The following SEPTIN2 variants were observed in gnomAD, a reference collection of about 807,000 sequenced individuals.
The protein encoded by SEPTIN2 is septin 2, also known as septin-2.
SEPTIN2 carries 34 observed loss-of-function variants against 46.5 expected under a neutral mutation model. That is an observed-to-expected ratio of 0.73 (90% CI 0.56 to 0.97). The LOEUF (loss-of-function observed/expected upper bound fraction) is 0.97. Ranked by LOEUF, SEPTIN2 falls within the 50% of genes least tolerant of loss-of-function variation. SEPTIN2 has a pLI of 0.00. For synonymous variants in SEPTIN2, 175 were observed against 153.4 expected (o/e 1.14, Z -1.04); for missense variants, 347 against 448.4 (o/e 0.77, Z 2.04).
chr2:241,337,945 C>A (rs2080312903), intron 7 of SEPTIN2, among the ~76,000 whole-genome samples, 155 bp downstream of exon 7: 1 of 152,090 alleles, frequency 6.6e-6, no homozygotes, highest in Non-Finnish European at 1.5e-5. Flanking sequence ...CAAGGAGAAC[C>A]TGATGGTTAC....
At chr2:241,350,682 G>C (rs1489859957) in intron 12 of SEPTIN2, among the ~76,000 whole-genome samples, 1 of 152,162 alleles carries the variant, frequency 6.6e-6, no homozygotes, top group Admixed American at 6.5e-5. Context: ...GATGGTGACT[G>C]CTGACCTCCT....
At chr2:241,343,281 T>A (rs2081498254) in intron 8 of SEPTIN2, among the ~76,000 whole-genome samples, 188 bp downstream of exon 8, 1 of 152,130 alleles carries the variant, frequency 6.6e-6, no homozygotes, top group Non-Finnish European at 1.5e-5. Context: ...GATGGATCAG[T>A]TGAGGCCAGG....
intron 1 of SEPTIN2, chr2:241,317,719 A>C: frequency 5.3e-6 from 1 of 189,028 alleles, no homozygotes; most frequent in Non-Finnish European, 9.8e-6. Flanking sequence ...GAATCCAAAG[A>C]ATCCAGATGC....
intron 7 of SEPTIN2, among the ~76,000 whole-genome samples, chr2:241,339,946 T>C (rs1437758521): frequency 6.6e-6 from 1 of 152,228 alleles, no homozygotes; most frequent in Non-Finnish European, 1.5e-5. Flanking sequence ...TTCCCAGAGT[T>C]CCGAATAATG....
chr2:241,328,159 G>A (rs958670418), intron 3 of SEPTIN2, among the ~76,000 whole-genome samples: 3 of 152,202 alleles, frequency 2.0e-5, no homozygotes, highest in Non-Finnish European at 4.4e-5. Context: ...AACTGGTCGG[G>A]CGTGATGGCT....
Position 241,330,990 on chromosome 2 carries a change from T to G in SEPTIN2, c.131-4136T>G, listed in dbSNP as rs570782472. Among the ~76,000 whole-genome samples the G allele has an allele frequency of 2.0e-5, 3 of 152,246 alleles. No homozygotes were observed. In the South Asian group the frequency reaches 6.2e-4, roughly 32 times the overall value. On this transcript the variant is annotated intron_variant, in intron 3 of 12. Transcript: ENST00000391971. Reference sequence around the variant, plus strand: ...TTTAAGACCAGCCCCCCCAACATGGTAAAACTTCATCTCTTTAGTACTTTT... The same window carrying G: ...TTTAAGACCAGCCCCCCCAACATGGGAAAACTTCATCTCTTTAGTACTTTT...
At chr2:241,342,757 C>T (rs1483571072) in intron 7 of SEPTIN2, among the ~76,000 whole-genome samples, 1 of 151,916 alleles carries the variant, frequency 6.6e-6, no homozygotes, top group African/African-American at 2.4e-5. Flanking sequence ...AGGATGGTCT[C>T]CATCTCCTGA....
chr2:241,340,787 G>A lies in SEPTIN2; in HGVS notation c.595-2205G>A, dbSNP rs575062314. On this transcript the variant is annotated intron_variant, in intron 7 of 12. Coordinates refer to ENST00000391971, the MANE Select transcript of SEPTIN2 (RefSeq NM_004404.5). ...CTCATTAATCACTTCTCTTCCTCCAGTTTCTCCTTGATGCCTACCAGTTTG... is the reference window on the plus strand; with the variant it reads ...CTCATTAATCACTTCTCTTCCTCCAATTTCTCCTTGATGCCTACCAGTTTG... 3.3e-5 allele frequency among the ~76,000 whole-genome samples: 5 copies of A among 152,190 alleles called. No individual in the cohort carries two copies. The South Asian group carries it at 8.3e-4, about 25-fold the overall frequency.
intron 1 of SEPTIN2, among the ~76,000 whole-genome samples, chr2:241,320,903 A>G (rs2077021006): frequency 1.3e-5 from 2 of 151,506 alleles, no homozygotes; most frequent in African/African-American, 4.9e-5. Context: ...TTTTGCTTTT[A>G]TCTTCCTTCC....
intron 4 of SEPTIN2, chr2:241,335,503 T>C: frequency 1.4e-6 from 1 of 731,832 alleles, no homozygotes; most frequent in Admixed American, 2.6e-5. Context: ...AGTGAGAATG[T>C]TTTACATCAA....
At chr2:241,317,045 C>CA (rs1378606807) in intron 1 of SEPTIN2, 1 of 152,752 alleles carries the variant, frequency 6.5e-6, no homozygotes, top group African/African-American at 2.4e-5. Context: ...AGTAGGTTCT[C>CA]AAATACTTTT....
Position 241,343,042 on chromosome 2 carries a change from T to A in SEPTIN2, c.645T>A (p.Asp215Glu). 1 of 1,611,584 alleles carries A rather than the reference T, an allele frequency of 6.2e-7. No individual in the cohort carries two copies. ...ACATCAAAATCTATCACTTACCTGA[T>A]GCAGAATCAGATGAAGATGAAGATT... ...EHNIKIYHLP[D>E]AESDEDEDFK... The change falls in exon 8 of 13, where the codon GAT becomes GAA. Residue 215 changes from aspartate (D) to glutamate (E), a missense_variant. Transcript: ENST00000391971.
chr2:241,334,921 G>A (rs2079670554), intron 3 of SEPTIN2, among the ~76,000 whole-genome samples: 1 of 152,140 alleles, frequency 6.6e-6, no homozygotes, highest in African/African-American at 2.4e-5. Context: ...GCCCTGCTCT[G>A]GATAGTACTC....
At chr2:241,340,219 G>A (rs2081072301) in intron 7 of SEPTIN2, among the ~76,000 whole-genome samples, 1 of 152,186 alleles carries the variant, frequency 6.6e-6, no homozygotes, top group African/African-American at 2.4e-5. Flanking sequence ...TATCTCATTT[G>A]AATTTGCCTT....
At chr2:241,331,169 A>G (rs1220385568) in intron 3 of SEPTIN2, among the ~76,000 whole-genome samples, 1 of 152,070 alleles carries the variant, frequency 6.6e-6, no homozygotes, top group East Asian at 1.9e-4. Flanking sequence ...ACAGAGCGAG[A>G]CTCCGTCTCA....
intron 7 of SEPTIN2, among the ~76,000 whole-genome samples, chr2:241,338,603 A>AT (rs1257162305): frequency 7.7e-6 from 1 of 130,550 alleles, no homozygotes; most frequent in Admixed American, 1.0e-4. Flanking sequence ...ATATATATAT[A>AT]TTTTATATAT....
chr2:241,349,361 C>G (rs2060566576), intron 11 of SEPTIN2, among the ~76,000 whole-genome samples: 1 of 140,346 alleles, frequency 7.1e-6, no homozygotes, highest in Non-Finnish European at 1.6e-5. Flanking sequence ...AGAGCAAGAT[C>G]CCATCCCTTT....
chr2:241,323,430 G>A (rs1400274279), intron 1 of SEPTIN2, among the ~76,000 whole-genome samples: 1 of 151,838 alleles, frequency 6.6e-6, no homozygotes, highest in Admixed American at 6.6e-5. Context: ...GGCTGAATCA[G>A]TATTTTTAGT....
intron 1 of SEPTIN2, chr2:241,317,068 C>A (rs572744361): frequency 1.3e-5 from 2 of 152,422 alleles, no homozygotes; most frequent in African/African-American, 4.8e-5. Flanking sequence ...AATCACAGTG[C>A]CTGCCGATAT....
Sources: gnomAD v4.1 joint callset for allele counts (sites outside exome capture counted in the v4.1 genomes callset) on GRCh38, gnomAD v4.1.1 for gene constraint, MANE v1.5 for transcripts, NCBI Gene and HGNC (gene_info 2026-07-23, HGNC 2026-07-21) for gene names.